Variants in DACH2 observed in about 807,000 individuals in gnomAD.
DACH2 encodes dachshund homolog 2.
Under a neutral mutation model 35.8 loss-of-function variants are expected in DACH2, and 17 were observed. The observed-to-expected ratio is 0.48, with a 90% confidence interval of 0.33 to 0.71. The LOEUF (loss-of-function observed/expected upper bound fraction) is 0.71, where lower values mean the gene tolerates loss of function less well. Ranked by LOEUF, DACH2 falls within the 30% of genes least tolerant of loss-of-function variation. The pLI, the probability that DACH2 is intolerant of heterozygous loss-of-function variation, is 0.02. For missense variants in DACH2, 469 were observed against 472.7 expected (o/e 0.99, Z 0.07); for synonymous variants, 195 against 177.3 (o/e 1.10, Z -0.79).
Position 86,714,758 on chromosome X carries a change from T to C in DACH2, c.1104+38T>C, listed in dbSNP as rs1348532091. On this transcript the variant is annotated intron_variant, in intron 6 of 11. Transcript: ENST00000373125. ...ATTTAGAAAAGGACAAAGGTGTCAA[T>C]TTCATGCAAATTTTGATAAAATATT... 3 of 1,072,064 alleles carry C rather than the reference T, an allele frequency of 2.8e-6. No homozygotes were observed. In the South Asian group the frequency reaches 7.7e-5, roughly 28 times the overall value. 88.4% of individuals were successfully genotyped at this position (1,072,064 alleles called of 1,213,427 possible).
At chrX:86,460,457 A>T (rs1293128733) in intron 2 of DACH2, among the ~76,000 whole-genome samples, 3 of 111,046 alleles carry the variant, frequency 2.7e-5, no homozygotes, top group African/African-American at 6.5e-5. Context: ...ATTACACTAC[A>T]GGTCAAATTT....
At chrX:86,178,162 G>T (rs2031366417) in intron 1 of DACH2, among the ~76,000 whole-genome samples, 1 of 111,393 alleles carries the variant, frequency 9.0e-6, no homozygotes, top group Admixed American at 9.6e-5. Flanking sequence ...GTGAGGTTGT[G>T]ATTCCTTTCT....
chrX:86,538,504 A>G (rs2038834717), intron 3 of DACH2, among the ~76,000 whole-genome samples: 1 of 111,873 alleles, frequency 8.9e-6, no homozygotes, highest in Non-Finnish European at 1.9e-5. Context: ...ATATCAGAAT[A>G]TCACAGACTT....
intron 3 of DACH2, among the ~76,000 whole-genome samples, chrX:86,573,214 G>C (rs1271293475): frequency 9.0e-6 from 1 of 110,548 alleles, no homozygotes; most frequent in African/African-American, 3.3e-5. Context: ...AATAAGGGAA[G>C]AGCAGAAGGA....
At chrX:86,350,009 A>C (rs1368602199) in intron 1 of DACH2, among the ~76,000 whole-genome samples, 7 of 111,087 alleles carry the variant, frequency 6.3e-5, no homozygotes, top group Admixed American at 9.6e-5. Context: ...CTCTACTAAA[A>C]ATACAAAAAT....
intron 2 of DACH2, among the ~76,000 whole-genome samples, chrX:86,394,344 C>T (rs1457728047): frequency 9.0e-6 from 1 of 111,022 alleles, no homozygotes; most frequent in African/African-American, 3.3e-5. Context: ...ATAGTTGACT[C>T]AGAATTAATA....
chrX:86,757,661 A>G (rs2041841787), intron 7 of DACH2, among the ~76,000 whole-genome samples: 2 of 111,470 alleles, frequency 1.8e-5, no homozygotes, highest in South Asian at 7.4e-4. Flanking sequence ...TATTCTCATA[A>G]TGGCGTATGA....
intron 6 of DACH2, among the ~76,000 whole-genome samples, chrX:86,723,651 G>T (rs1417787518): frequency 8.9e-6 from 1 of 111,807 alleles, no homozygotes; most frequent in Non-Finnish European, 1.9e-5. Flanking sequence ...TGTGGTCTGA[G>T]AAGATGCTGG....
intron 2 of DACH2, among the ~76,000 whole-genome samples, chrX:86,406,349 C>T (rs775749779): frequency 3.9e-4 from 43 of 111,087 alleles, no homozygotes; most frequent in Non-Finnish European, 6.2e-4. Flanking sequence ...CAGTAGTCCT[C>T]GACATAAAGA....
intron 6 of DACH2, among the ~76,000 whole-genome samples, chrX:86,720,579 C>T (rs1205450986): frequency 8.9e-6 from 1 of 112,400 alleles, no homozygotes; most frequent in Non-Finnish European, 1.9e-5. Context: ...CCTTGGGAAG[C>T]TCTGCCCCTG....
chrX:86,388,118 G>A (rs144953537), intron 2 of DACH2, among the ~76,000 whole-genome samples: 1,337 of 112,012 alleles, frequency 0.012, 26 homozygotes, highest in African/African-American at 0.041. Flanking sequence ...CTGAGCTGGT[G>A]CTAGAAGAAG....
Position 86,197,267 on chromosome X carries a change from A to C in DACH2, c.488+48159A>C, listed in dbSNP as rs775384170. Among the ~76,000 whole-genome samples, 14 of 111,923 alleles carry C rather than the reference A, an allele frequency of 1.3e-4. No homozygotes were observed. The Admixed American group carries it at 1.3e-3, about 11-fold the overall frequency. On this transcript the variant is annotated intron_variant, in intron 1 of 11. Coordinates refer to ENST00000373125, the MANE Select transcript of DACH2 (RefSeq NM_053281.3). ...ACAAAACCTCCTGAAGGAAGTACTAAATATAGAAAAGAAAGACTGTTACCA... is the reference window on the plus strand; with the variant it reads ...ACAAAACCTCCTGAAGGAAGTACTACATATAGAAAAGAAAGACTGTTACCA...
chrX:86,721,838 G>A lies in DACH2; in HGVS notation c.1104+7118G>A, dbSNP rs913958211. Among the ~76,000 whole-genome samples, 5 of 111,587 alleles carry A rather than the reference G, an allele frequency of 4.5e-5. No individual in the cohort carries two copies. In the South Asian group the frequency reaches 1.5e-3, roughly 34 times the overall value. On this transcript the variant is annotated intron_variant, in intron 6 of 11. Coordinates refer to ENST00000373125, the MANE Select transcript of DACH2 (RefSeq NM_053281.3). The stretch of plus-strand genomic sequence containing the variant: ...ATCATGGCAGAAAGCAGCTCTTCAC[G>A]GGGCAGGAGGAGAGAGAATGACTGC...
chrX:86,616,977 G>A (rs1394655913), intron 3 of DACH2, among the ~76,000 whole-genome samples: 1 of 112,046 alleles, frequency 8.9e-6, no homozygotes. Context: ...TCGATCTTCT[G>A]CATTTGGCTA....
intron 3 of DACH2, among the ~76,000 whole-genome samples, chrX:86,621,213 A>T (rs1225189141): frequency 2.7e-5 from 3 of 111,369 alleles, no homozygotes; most frequent in Admixed American, 1.9e-4. Context: ...TCTAGTTCTA[A>T]TTTTTTTCAA....
intron 3 of DACH2, 29 bp downstream of exon 3, chrX:86,514,420 T>A: frequency 8.7e-7 from 1 of 1,143,630 alleles, no homozygotes; most frequent in Non-Finnish European, 1.2e-6. Context: ...TGATCAGCCA[T>A]GTCTCTTCGT....
At chrX:86,300,052 C>T (rs2034544942) in intron 1 of DACH2, among the ~76,000 whole-genome samples, 1 of 110,819 alleles carries the variant, frequency 9.0e-6, no homozygotes, top group African/African-American at 3.3e-5. Flanking sequence ...ATTTCAAGTC[C>T]TCTGTTTCAG....
intron 3 of DACH2, among the ~76,000 whole-genome samples, chrX:86,597,522 T>C (rs188227141): frequency 1.4e-4 from 16 of 111,950 alleles, no homozygotes; most frequent in Admixed American, 8.5e-4. Flanking sequence ...GGTCAGAGGA[T>C]ATACTTTGCT....
intron 1 of DACH2, among the ~76,000 whole-genome samples, chrX:86,172,082 T>A (rs955828406): frequency 2.7e-5 from 3 of 112,070 alleles, no homozygotes; most frequent in African/African-American, 9.7e-5. Context: ...AGCATGCCAT[T>A]TTTGTTACTT....
Sources: allele counts gnomAD v4.1 joint callset (sites outside exome capture counted in the v4.1 genomes callset), GRCh38; gene constraint gnomAD v4.1.1; transcripts MANE v1.5; gene names NCBI Gene and HGNC (gene_info 2026-07-23, HGNC 2026-07-21).